SLC7A8: variants seen among roughly 807,000 people sequenced by gnomAD.
SLC7A8 encodes the protein solute carrier family 7 member 8.
In SLC7A8, 30 loss-of-function variants were observed where a neutral mutation model predicts 51.2. The observed-to-expected ratio is 0.59, with a 90% CI of 0.44 to 0.80. SLC7A8 has a LOEUF of 0.80. SLC7A8 is among the 30% of genes least tolerant of loss of function. SLC7A8 has a pLI of 0.00. For missense variants in SLC7A8, 612 were observed against 674.4 expected, an observed-to-expected ratio of 0.91 and a Z score of 1.03; for synonymous variants, 257 against 275.8, an observed-to-expected ratio of 0.93 and a Z score of 0.67.
chr14:23,138,401 A>G (rs982339338), intron 6 of SLC7A8, among the ~76,000 whole-genome samples: 2 of 152,170 alleles, frequency 1.3e-5, no homozygotes, highest in African/African-American at 4.8e-5. Context: ...CATACATTAT[A>G]TGATTTCTCC....
At chr14:23,179,506 G>GA (rs71115600) in intron 1 of SLC7A8, among the ~76,000 whole-genome samples, 22,727 of 142,320 alleles carry the variant, frequency 0.16, 2,064 homozygotes, top group East Asian at 0.46. Context: ...CACAGTCCCT[G>GA]AAAAAAAAAA....
chr14:23,155,038 A>T, intron 3 of SLC7A8: 1 of 694,190 alleles, frequency 1.4e-6, no homozygotes, highest in Non-Finnish European at 2.2e-6. Flanking sequence ...GCCCTTCCTC[A>T]TAAACTGCGC....
intron 3 of SLC7A8, among the ~76,000 whole-genome samples, chr14:23,157,242 A>G (rs1209331397): frequency 6.6e-6 from 1 of 152,192 alleles, no homozygotes; most frequent in Non-Finnish European, 1.5e-5. Context: ...TTCAACCTTA[A>G]TCACCAAGGC....
intron 1 of SLC7A8, among the ~76,000 whole-genome samples, chr14:23,182,281 A>G (rs1167166039): frequency 6.6e-6 from 1 of 152,256 alleles, no homozygotes; most frequent in African/African-American, 2.4e-5. Flanking sequence ...ATAAAAAGGC[A>G]GGGCATTGCT....
intron 7 of SLC7A8, among the ~76,000 whole-genome samples, chr14:23,135,613 A>G (rs1313701140): frequency 1.3e-5 from 2 of 151,920 alleles, no homozygotes; most frequent in African/African-American, 4.8e-5. Context: ...GAGGCAGGAG[A>G]ATGGCGTGAA....
At chr14:23,170,727 G>A (rs2048971539) in intron 1 of SLC7A8, among the ~76,000 whole-genome samples, 2 of 151,976 alleles carry the variant, frequency 1.3e-5, no homozygotes, top group Admixed American at 6.6e-5. Context: ...CCAAAGTGCT[G>A]GGATTACACG....
rs908363672 is a variant in SLC7A8, at chr14:23,183,106, C to T, written c.-192G>A. ...CTACTCCGCATTCACACTTTCTGGT[C>T]ACTCGCGTTTACAAACAAGAAAAGT... On this transcript the variant is annotated 5_prime_UTR_variant, in exon 1 of 11. An upstream open reading frame in the 5' UTR loses its in-frame stop. Coordinates refer to ENST00000316902, the MANE Select transcript of SLC7A8 (RefSeq NM_012244.4). The T allele has an allele frequency of 8.4e-6, 2 of 237,954 alleles. No homozygotes were observed. The highest frequency in any genetic ancestry group is 1.6e-5 in the Non-Finnish European group (2 of 126,494). 14.7% of individuals were successfully genotyped at this position (237,954 alleles called of 1,614,324 possible). A position where few individuals can be genotyped will look rare whatever the true frequency, so the allele number is the denominator to read the frequency against.
At chr14:23,182,193 A>G (rs1259311892) in intron 1 of SLC7A8, among the ~76,000 whole-genome samples, 1 of 152,122 alleles carries the variant, frequency 6.6e-6, no homozygotes, top group Non-Finnish European at 1.5e-5. Flanking sequence ...TAACTTCCCC[A>G]TCTGTGAAAT....
At chr14:23,167,855 C>T (rs1419896445) in intron 1 of SLC7A8, among the ~76,000 whole-genome samples, 1 of 152,046 alleles carries the variant, frequency 6.6e-6, no homozygotes, top group Non-Finnish European at 1.5e-5. Flanking sequence ...TGGTCTGGAA[C>T]CAGTGAGATG....
At chr14:23,154,586 G>A (rs2048875936) in intron 3 of SLC7A8, 1 of 611,810 alleles carries the variant, frequency 1.6e-6, no homozygotes, top group Non-Finnish European at 2.0e-6. Flanking sequence ...CCAGATCTAG[G>A]AGGTAAGCAG....
chr14:23,143,874 T>C (rs1356643593), intron 3 of SLC7A8, among the ~76,000 whole-genome samples: 1 of 152,258 alleles, frequency 6.6e-6, no homozygotes, highest in Non-Finnish European at 1.5e-5. Flanking sequence ...CTTTGTCTTT[T>C]TCAAAATGTC....
intron 5 of SLC7A8, among the ~76,000 whole-genome samples, chr14:23,139,785 G>A (rs1410542135): frequency 6.6e-6 from 1 of 152,194 alleles, no homozygotes; most frequent in Non-Finnish European, 1.5e-5. Context: ...CAAGGAGGGA[G>A]GATTGTTTGA....
Position 23,166,539 on chromosome 14 carries a change from C to A in SLC7A8, c.153G>T (p.Gly51=). 6.2e-7 allele frequency: 1 copy of A among 1,613,946 alleles called. No homozygotes were observed. Among genetic ancestry groups the A allele is most frequent in the South Asian group, 1.1e-5 (1 of 91,070 alleles). The part of the protein sequence containing the change: ...GLVSACGIIV[G]NIIGSGIFVS... Reference sequence around the variant, plus strand: ...CAAAGATTCCAGAGCCGATGATGTTCCCTGCATGAGGCACCAAGGGTAAGG... The same window carrying A: ...CAAAGATTCCAGAGCCGATGATGTTACCTGCATGAGGCACCAAGGGTAAGG... Residue 51 remains glycine, a splice_region_variant and synonymous_variant, in exon 2 of 11, where the codon GGG becomes GGT. Coordinates refer to ENST00000316902, the MANE Select transcript of SLC7A8 (RefSeq NM_012244.4).
chr14:23,156,603 G>A (rs2048894565), intron 3 of SLC7A8, among the ~76,000 whole-genome samples: 3 of 152,088 alleles, frequency 2.0e-5, no homozygotes, highest in Admixed American at 1.3e-4. Flanking sequence ...TAAACCATGG[G>A]CCCTGGCTCC....
rs537536372 is a variant in SLC7A8 at position 23,162,393 on chromosome 14, A to G, written c.508+2892T>C. Among the ~76,000 whole-genome samples the G allele has an allele frequency of 1.6e-3, 243 of 152,370 alleles. 1 individual carries two copies. Among genetic ancestry groups the G allele is most frequent in the Non-Finnish European group, 3.0e-3 (206 of 68,042 alleles). On this transcript the variant is annotated intron_variant, in intron 3 of 10. Transcript: ENST00000316902. ...TGAAGGTAGACAAATATTTGAACCC[A>G]TATTTCAAGGACATTGAAAATTCCT...
chr14:23,128,423 T>G lies in SLC7A8; in HGVS notation c.1264-227A>C. The G allele has an allele frequency of 6.8e-7, 1 of 1,468,152 alleles. No homozygotes were observed. The highest frequency in any genetic ancestry group is 2.6e-5 in the East Asian group (1 of 38,150). The allele number at this position is 1,468,152 out of a possible 1,614,324, so 90.9% of individuals were successfully genotyped here. A position where few individuals can be genotyped will look rare whatever the true frequency, so the allele number is the denominator to read the frequency against. On this transcript the variant is annotated intron_variant, in intron 9 of 10. Coordinates refer to ENST00000316902, the MANE Select transcript of SLC7A8 (RefSeq NM_012244.4). This position sits in a 1 kb window ranked among gnomAD's most constrained non-coding sequence, Gnocchi z 4.3. Reference sequence around the variant, plus strand: ...CAGACAGGAAGAGGATGGGGAGGAGTTAGGGAGGAAACGATCCTCCTTGCC... The same window carrying G: ...CAGACAGGAAGAGGATGGGGAGGAGGTAGGGAGGAAACGATCCTCCTTGCC...
chr14:23,140,423 G>T (rs2048732668), intron 5 of SLC7A8, 48 bp downstream of exon 5: 4 of 1,556,906 alleles, frequency 2.6e-6, no homozygotes, highest in East Asian at 4.6e-5. Context: ...AGCAGCAGGT[G>T]CTGTGGCCCT....
intron 3 of SLC7A8, among the ~76,000 whole-genome samples, chr14:23,145,129 C>G (rs1458813170): frequency 6.6e-6 from 1 of 151,306 alleles, no homozygotes; most frequent in Non-Finnish European, 1.5e-5. Context: ...ACCGTGTTAG[C>G]CAGAATGGTC....
intron 1 of SLC7A8, among the ~76,000 whole-genome samples, chr14:23,170,544 C>T (rs987507895): frequency 1.9e-4 from 29 of 152,060 alleles, no homozygotes; most frequent in African/African-American, 5.8e-4. Flanking sequence ...CTGCAACCTC[C>T]GCCTCATGGG....
Sources: allele counts gnomAD v4.1 joint callset (sites outside exome capture counted in the v4.1 genomes callset), GRCh38; gene constraint gnomAD v4.1.1; non-coding constraint Gnocchi (gnomAD v3.1); transcripts MANE v1.5; gene names NCBI Gene and HGNC (gene_info 2026-07-23, HGNC 2026-07-21).